The following ARID2 variants were observed in gnomAD, a reference collection of about 807,000 sequenced individuals.
The protein encoded by ARID2 is AT-rich interaction domain 2.
Under a neutral mutation model 184.6 loss-of-function variants are expected in ARID2, and 32 were observed. The ratio of observed to expected loss-of-function variants is 0.17; its 90% CI spans 0.13 to 0.23. The LOEUF is 0.23. ARID2 is among the 10% of genes least tolerant of loss of function. The pLI, the probability that ARID2 is intolerant of heterozygous loss-of-function variation, is 1.00. For missense variants in ARID2, 1,696 were observed against 2,197.6 expected (o/e 0.77, Z 4.56); for synonymous variants, 836 against 772.6 (o/e 1.08, Z -1.36).
chr12:45,769,204 TG>T (rs1417226848), intron 3 of ARID2, among the ~76,000 whole-genome samples: 1 of 152,158 alleles, frequency 6.6e-6, no homozygotes, highest in Non-Finnish European at 1.5e-5. Context: ...CAACAGAAAC[TG>T]CCTGTAAAAG....
chr12:45,838,426 C>G (rs1288469626), intron 10 of ARID2, among the ~76,000 whole-genome samples: 1 of 152,110 alleles, frequency 6.6e-6, no homozygotes, highest in East Asian at 1.9e-4. Flanking sequence ...ATCAGTGATT[C>G]TTAAATCTGG....
chr12:45,865,303 C>A (rs1053771345), intron 16 of ARID2, among the ~76,000 whole-genome samples: 16 of 152,162 alleles, frequency 1.1e-4, no homozygotes, highest in Admixed American at 9.8e-4. Flanking sequence ...AGAATTTATT[C>A]TTTGTCCTAT....
chr12:45,746,887 C>G (rs1941368328), intron 3 of ARID2, among the ~76,000 whole-genome samples: 1 of 152,182 alleles, frequency 6.6e-6, no homozygotes, highest in Non-Finnish European at 1.5e-5. Context: ...CTGCCTCAGC[C>G]TCCCGAGTAG....
At position 45,907,475 on chromosome 12, in the gene ARID2, A is replaced by G. The variant is rs1365436921; in HGVS notation, c.*2397A>G. The G allele has an allele frequency of 4.3e-6, 1 of 233,244 alleles. No homozygotes were observed. The highest frequency in any genetic ancestry group is 8.5e-6 in the Non-Finnish European group (1 of 117,878). 14.4% of individuals were successfully genotyped at this position (233,244 alleles called of 1,614,324 possible). A position where few individuals can be genotyped will look rare whatever the true frequency, so the allele number is the denominator to read the frequency against. ...TGCTATAATATGTAAATATGACTGT[A>G]GCCTTTTAAGCTTCAGTCTCAGCAG... On this transcript the variant is annotated 3_prime_UTR_variant, in exon 21 of 21. Coordinates refer to ENST00000334344, the MANE Select transcript of ARID2 (RefSeq NM_152641.4).
intron 3 of ARID2, among the ~76,000 whole-genome samples, chr12:45,785,653 T>A (rs1942183029): frequency 6.6e-6 from 1 of 152,162 alleles, no homozygotes; most frequent in Non-Finnish European, 1.5e-5. Context: ...AAATGCTCAT[T>A]GGAGTATTTT....
At chr12:45,840,032 A>G (rs1221358565) in intron 11 of ARID2, 8 of 152,570 alleles carry the variant, frequency 5.2e-5, no homozygotes, top group Admixed American at 6.5e-5. Context: ...TCTTAGCTCA[A>G]TTCTGTTTAG....
At chr12:45,839,737 T>C (rs909242090) in intron 11 of ARID2, 21 of 365,698 alleles carry the variant, frequency 5.7e-5, no homozygotes, top group Non-Finnish European at 1.0e-4. Flanking sequence ...TTTAGAGTAA[T>C]GTGATGAATT....
intron 3 of ARID2, among the ~76,000 whole-genome samples, chr12:45,807,832 T>C (rs1409881284): frequency 6.6e-6 from 1 of 152,206 alleles, no homozygotes; most frequent in African/African-American, 2.4e-5. Context: ...TTCTGTAACC[T>C]AATTTATTTC....
chr12:45,891,715 T>C (rs2138231467), intron 16 of ARID2, 65 bp from the exon 17 acceptor site: 1 of 1,549,690 alleles, frequency 6.5e-7, no homozygotes, highest in Non-Finnish European at 8.7e-7. Context: ...AGCAGAGAAA[T>C]TTTTGAAATA....
At chr12:45,874,331 T>TA (rs758087161) in intron 16 of ARID2, 828 of 154,108 alleles carry the variant, frequency 5.4e-3, no homozygotes, top group Non-Finnish European at 7.8e-3. Flanking sequence ...CCCTGTCTCT[T>TA]AAAAAAAAAA....
intron 16 of ARID2, among the ~76,000 whole-genome samples, chr12:45,876,014 G>C (rs939871378): frequency 2.6e-5 from 4 of 152,188 alleles, no homozygotes; most frequent in African/African-American, 9.7e-5. Context: ...TTGGCTGTTT[G>C]GTGCAAGAGG....
At chr12:45,879,530 C>T (rs1466097914) in intron 16 of ARID2, among the ~76,000 whole-genome samples, 1 of 152,142 alleles carries the variant, frequency 6.6e-6, no homozygotes, top group Non-Finnish European at 1.5e-5. Flanking sequence ...TTTAAGGGTT[C>T]CTGCAAGTTA....
chr12:45,794,440 A>G (rs917141897), intron 3 of ARID2, among the ~76,000 whole-genome samples: 2 of 152,218 alleles, frequency 1.3e-5, no homozygotes, highest in African/African-American at 2.4e-5. Context: ...ATTTCATGCA[A>G]TTTCTAATAA....
At chr12:45,790,767 T>C (rs1415341523) in intron 3 of ARID2, among the ~76,000 whole-genome samples, 2 of 152,248 alleles carry the variant, frequency 1.3e-5, no homozygotes, top group Non-Finnish European at 2.9e-5. Flanking sequence ...AGGACACTGT[T>C]CAACACAAGT....
At chr12:45,793,801 C>A (rs1942338099) in intron 3 of ARID2, among the ~76,000 whole-genome samples, 1 of 148,458 alleles carries the variant, frequency 6.7e-6, no homozygotes, top group Non-Finnish European at 1.5e-5. Context: ...GAAACTTAAT[C>A]TTTTAGTGCA....
In ARID2 at chr12:45,906,273, T is replaced by G; in HGVS notation, c.*1195T>G. On this transcript the variant is annotated 3_prime_UTR_variant, in exon 21 of 21. Transcript: ENST00000334344. ...GTGTGGAATTTTATTGTATTATTCT[T>G]CCATTCTTAATACTGTACCACATTC... The G allele has an allele frequency of 4.3e-6, 1 of 233,120 alleles. No homozygotes were observed. Among genetic ancestry groups the G allele is most frequent in the Non-Finnish European group, 8.5e-6 (1 of 117,746 alleles). The allele number at this position is 233,120 out of a possible 1,614,324, so 14.4% of individuals were successfully genotyped here.
At chr12:45,791,576 T>C (rs946576998) in intron 3 of ARID2, among the ~76,000 whole-genome samples, 1 of 152,130 alleles carries the variant, frequency 6.6e-6, no homozygotes, top group Non-Finnish European at 1.5e-5. Flanking sequence ...TTTGGAAAAG[T>C]ATATGTAAGA....
chr12:45,773,842 C>A (rs748060556), intron 3 of ARID2, among the ~76,000 whole-genome samples: 2 of 152,118 alleles, frequency 1.3e-5, no homozygotes, highest in East Asian at 3.8e-4. Context: ...AGATTCTTCA[C>A]CAACTTTTGC....
chr12:45,743,073 G>T lies in ARID2; in HGVS notation c.284+11759G>T, dbSNP rs554029760. 1.2e-3 allele frequency among the ~76,000 whole-genome samples: 189 copies of T among 152,038 alleles called. 1 individual carries two copies. The highest frequency in any genetic ancestry group is 6.8e-3 in the Middle Eastern group (2 of 294). On this transcript the variant is annotated intron_variant, in intron 3 of 20. Transcript: ENST00000334344. ...TTGTTTTTTTAAAGAGATTGAGTTG[G>T]CTGGGCATGGTGGCTCATGCCTGTA... is the stretch of plus-strand genomic sequence containing the variant.
Sources: allele counts gnomAD v4.1 joint callset (sites outside exome capture counted in the v4.1 genomes callset), GRCh38; gene constraint gnomAD v4.1.1; transcripts MANE v1.5; gene names NCBI Gene and HGNC (gene_info 2026-07-23, HGNC 2026-07-21).